Variants in KCNMA1 observed in about 807,000 individuals in gnomAD.
The protein encoded by KCNMA1 is potassium calcium-activated channel subfamily M alpha 1.
In KCNMA1, 29 loss-of-function variants were observed where a neutral mutation model predicts 140.0. The observed-to-expected ratio is 0.21, with a 90% CI of 0.15 to 0.28. The LOEUF is 0.28. Ranked by LOEUF, KCNMA1 falls within the 10% of genes least tolerant of loss-of-function variation. The pLI, the probability that KCNMA1 is intolerant of heterozygous loss-of-function variation, is 1.00. For synonymous variants in KCNMA1, 612 were observed against 611.9 expected (o/e 1.00, Z 0.00); for missense variants, 880 against 1,602.2 (o/e 0.55, Z 7.70).
At chr10:77,269,110 T>G (rs926947996) in intron 2 of KCNMA1, among the ~76,000 whole-genome samples, 2 of 152,180 alleles carry the variant, frequency 1.3e-5, no homozygotes, top group Non-Finnish European at 2.9e-5. Flanking sequence ...TGTCTTCATT[T>G]CAGGGGCTTC....
At chr10:77,118,735 T>A (rs893372392) in intron 6 of KCNMA1, among the ~76,000 whole-genome samples, 4 of 152,200 alleles carry the variant, frequency 2.6e-5, no homozygotes, top group African/African-American at 9.7e-5. Context: ...CCAGCTTAGT[T>A]ACTCCCCTCT....
At chr10:77,521,241 G>A (rs2053284207) in intron 1 of KCNMA1, among the ~76,000 whole-genome samples, 1 of 152,172 alleles carries the variant, frequency 6.6e-6, no homozygotes, top group African/African-American at 2.4e-5. Context: ...AGGACAGGGG[G>A]ACACCTTTGT....
chr10:77,194,804 C>T (rs1328964814), intron 3 of KCNMA1, among the ~76,000 whole-genome samples: 4 of 152,018 alleles, frequency 2.6e-5, no homozygotes, highest in Non-Finnish European at 4.4e-5. Flanking sequence ...TGAAGACTTG[C>T]TGATCCTGAA....
intron 1 of KCNMA1, among the ~76,000 whole-genome samples, chr10:77,508,262 C>G (rs563122322): frequency 1.8e-4 from 28 of 152,256 alleles, no homozygotes; most frequent in African/African-American, 6.5e-4. Context: ...TGAACCGCAA[C>G]CCCCTGGGCT....
In KCNMA1 at chr10:77,337,395, C is replaced by T. The variant is rs184180732; in HGVS notation, c.540+66467G>A. ...GGCCCAATGCCAAGGCTAAGGCAGGCGGGTCATTTGAGGTCGAGTTCCAGA... is the reference window on the plus strand; with the variant it reads ...GGCCCAATGCCAAGGCTAAGGCAGGTGGGTCATTTGAGGTCGAGTTCCAGA... On this transcript the variant is annotated intron_variant, in intron 2 of 27. Coordinates refer to ENST00000286628, the MANE Select transcript of KCNMA1 (RefSeq NM_001161352.2). Among the ~76,000 whole-genome samples, 672 of 152,216 alleles carry T rather than the reference C, an allele frequency of 4.4e-3. 8 individuals carry two copies. The highest frequency in any genetic ancestry group is 0.016 in the African/African-American group (648 of 41,534).
chr10:77,311,771 C>G (rs28384354), intron 2 of KCNMA1, among the ~76,000 whole-genome samples: 2 of 152,150 alleles, frequency 1.3e-5, no homozygotes, highest in African/African-American at 4.8e-5. Flanking sequence ...CATGACATTC[C>G]GCAAGGCTGG....
At chr10:77,311,357 A>G (rs965728204) in intron 2 of KCNMA1, among the ~76,000 whole-genome samples, 2 of 152,086 alleles carry the variant, frequency 1.3e-5, no homozygotes, top group African/African-American at 4.8e-5. Context: ...GAGCGAACTC[A>G]TACTATAGGC....
chr10:77,376,611 C>T (rs531469333), intron 2 of KCNMA1: 1 of 97,078 alleles, frequency 1.0e-5, no homozygotes, highest in Admixed American at 1.0e-4. Flanking sequence ...TTATCAACTG[C>T]CACATAAGTT....
At chr10:77,193,121 C>T (rs1414654277) in intron 3 of KCNMA1, among the ~76,000 whole-genome samples, 1 of 151,972 alleles carries the variant, frequency 6.6e-6, no homozygotes, top group East Asian at 1.9e-4. Context: ...AGGCAGAGAT[C>T]TGAACCAGTC....
chr10:77,459,928 C>T lies in KCNMA1; in HGVS notation c.379-55905G>A, dbSNP rs116662850. ...TGGTTGTCAAGAAAATTAAATGAGC[C>T]CATGCTTTTAAAGATCTTATAAGAA... On this transcript the variant is annotated intron_variant, in intron 1 of 27. Transcript: ENST00000286628. Among the ~76,000 whole-genome samples, 289 of 152,226 alleles carry T rather than the reference C, an allele frequency of 1.9e-3. 2 individuals are homozygous for T. Among genetic ancestry groups the T allele is most frequent in the East Asian group, 0.019 (96 of 5,172 alleles).
At chr10:77,453,875 C>T (rs605976) in intron 1 of KCNMA1, among the ~76,000 whole-genome samples, 71,774 of 151,944 alleles carry the variant, frequency 0.47, 19,524 homozygotes, top group Non-Finnish European at 0.61. Flanking sequence ...GGGCTGGGAA[C>T]GGTTCACCTT....
chr10:77,145,695 C>T (rs552508988), intron 5 of KCNMA1, among the ~76,000 whole-genome samples: 74 of 152,326 alleles, frequency 4.9e-4, no homozygotes, highest in African/African-American at 1.6e-3. Flanking sequence ...TGAACTCAGA[C>T]GAAATTGACC....
At chr10:77,229,260 A>C (rs1051459853) in intron 3 of KCNMA1, among the ~76,000 whole-genome samples, 2 of 151,754 alleles carry the variant, frequency 1.3e-5, no homozygotes, top group African/African-American at 2.4e-5. Context: ...TAACCCCATA[A>C]ACTGGGCTAA....
intron 2 of KCNMA1, among the ~76,000 whole-genome samples, chr10:77,354,875 G>C (rs1158062520): frequency 2.0e-5 from 3 of 152,186 alleles, no homozygotes; most frequent in Non-Finnish European, 4.4e-5. Context: ...CCAAAAAAGA[G>C]AGACTATGGA....
intron 19 of KCNMA1, among the ~76,000 whole-genome samples, chr10:76,993,753 ACTGTCTAAAGACTTT>A (rs2083425816): frequency 6.6e-6 from 1 of 152,210 alleles, no homozygotes; most frequent in Non-Finnish European, 1.5e-5. Flanking sequence ...ATAGTGTCGC[ACTGTCTAAAGACTTT>A]CTATCATATT....
intron 1 of KCNMA1, among the ~76,000 whole-genome samples, chr10:77,581,684 C>T (rs1290252089): frequency 6.6e-6 from 1 of 152,224 alleles, no homozygotes; most frequent in African/African-American, 2.4e-5. Context: ...AGTTGCCTTA[C>T]TCCCTCCACT....
At position 77,132,543 on chromosome 10, in the gene KCNMA1, G is replaced by C. The variant is rs1410630260; in HGVS notation, c.809-11495C>G. 4.8e-5 allele frequency among the ~76,000 whole-genome samples: 5 copies of C among 104,144 alleles called. 1 individual carries two copies. The highest frequency in any genetic ancestry group is 1.8e-4 in the African/African-American group (5 of 27,218). 68.3% of individuals were successfully genotyped at this position (104,144 alleles called of 152,430 possible). A position where few individuals can be genotyped will look rare whatever the true frequency, so the allele number is the denominator to read the frequency against. On this transcript the variant is annotated intron_variant, in intron 5 of 27. Coordinates refer to ENST00000286628, the MANE Select transcript of KCNMA1 (RefSeq NM_001161352.2). ...TTAAATTTTTTTTTTTTTTTTTTTT[G>C]AGATGGAGTCTGGCACTGTTGCCCA...
At chr10:77,155,052 G>T (rs914402322) in intron 5 of KCNMA1, among the ~76,000 whole-genome samples, 4 of 152,194 alleles carry the variant, frequency 2.6e-5, no homozygotes, top group African/African-American at 9.7e-5. Flanking sequence ...CTGAGGCAGG[G>T]AGAAGAAGCC....
In KCNMA1 at chr10:77,419,582, T is replaced by G. The variant is rs577173857; in HGVS notation, c.379-15559A>C. Among the ~76,000 whole-genome samples, 6 of 152,332 alleles carry G rather than the reference T, an allele frequency of 3.9e-5. No individual in the cohort carries two copies. The East Asian group carries it at 1.2e-3, about 29-fold the overall frequency. The stretch of plus-strand genomic sequence containing the variant: ...GGATGGTCAGGGAAGCTTCTGGGGA[T>G]ACCGACAGTATTTTATTTTTTGAAC... On this transcript the variant is annotated intron_variant, in intron 1 of 27. Transcript: ENST00000286628.
Sources: allele counts gnomAD v4.1 joint callset (sites outside exome capture counted in the v4.1 genomes callset), GRCh38; gene constraint gnomAD v4.1.1; transcripts MANE v1.5; gene names NCBI Gene and HGNC (gene_info 2026-07-23, HGNC 2026-07-21).